PUS10: variants seen among roughly 807,000 people sequenced by gnomAD.
PUS10 encodes tRNA pseudouridine synthase Pus10.
PUS10 carries 59 observed loss-of-function variants against 75.0 expected under a neutral mutation model. The ratio of observed to expected loss-of-function variants is 0.79; its 90% CI spans 0.64 to 0.98. The LOEUF (loss-of-function observed/expected upper bound fraction) is 0.98, where lower values mean the gene tolerates loss of function less well. Among genes scored for constraint, PUS10 ranks in the 50% least tolerant of loss-of-function variants. The pLI, the probability that PUS10 is intolerant of heterozygous loss-of-function variation, is 0.00. For missense variants in PUS10, 650 were observed against 614.4 expected (o/e 1.06, Z -0.61); for synonymous variants, 219 against 211.6 (o/e 1.03, Z -0.30).
intron 11 of PUS10, among the ~76,000 whole-genome samples, chr2:60,957,796 G>C (rs568051228): frequency 6.6e-6 from 1 of 152,356 alleles, no homozygotes; most frequent in East Asian, 1.9e-4. Flanking sequence ...CAGCCCAGGG[G>C]GTGGAGTATA....
intron 5 of PUS10, 65 bp from the exon 6 acceptor site, chr2:60,967,678 T>G: frequency 9.4e-7 from 1 of 1,060,402 alleles, no homozygotes; most frequent in Non-Finnish European, 1.4e-6. Flanking sequence ...AAGGCAAGAA[T>G]TTATGCAATT....
intron 4 of PUS10, among the ~76,000 whole-genome samples, chr2:60,986,180 T>C (rs560913521): frequency 6.6e-6 from 1 of 152,276 alleles, no homozygotes; most frequent in South Asian, 2.1e-4. Flanking sequence ...CATACATTTT[T>C]AAAGACCATA....
intron 1 of PUS10, among the ~76,000 whole-genome samples, chr2:61,016,560 A>T (rs1480197574): frequency 6.6e-6 from 1 of 152,116 alleles, no homozygotes; most frequent in East Asian, 1.9e-4. Context: ...CTTTTCGTTT[A>T]TGTGTTTGTT....
At chr2:61,016,457 G>A (rs1679984436) in intron 1 of PUS10, among the ~76,000 whole-genome samples, 1 of 152,202 alleles carries the variant, frequency 6.6e-6, no homozygotes, top group African/African-American at 2.4e-5. Context: ...GAAATCGGTT[G>A]TCCATATTAG....
chr2:61,011,829 CA>C lies in PUS10; in HGVS notation c.61del (p.Cys21ValfsTer39). On this transcript the variant is annotated frameshift_variant, in exon 2 of 18. Coordinates refer to ENST00000316752, the MANE Select transcript of PUS10 (RefSeq NM_144709.4). LOFTEE classifies it high-confidence loss of function. ...ACAGAATCTGAAGATACATCTTGGA[CA>C]AGTACCAGTATTGAGCAACAACTGG... ...VAQLLLNTGT[C>X]PRCIFRFCGV... 6.2e-7 allele frequency: 1 copy of C among 1,610,738 alleles called. No individual in the cohort carries two copies. The highest frequency in any genetic ancestry group is 8.5e-7 in the Non-Finnish European group (1 of 1,178,234).
At chr2:60,949,047 C>T (rs1675172671) in intron 15 of PUS10, among the ~76,000 whole-genome samples, 3 of 152,152 alleles carry the variant, frequency 2.0e-5, no homozygotes, top group Admixed American at 2.0e-4. Context: ...AAGTTCTCCA[C>T]CAAGAAGAAA....
At position 61,011,790 on chromosome 2, in the gene PUS10, T is replaced by A. The variant is rs560194306; in HGVS notation, c.101A>T (p.His34Leu). The change falls in exon 2 of 18, where the codon CAT (histidine) becomes CTT (leucine). Residue 34 changes from histidine (H) to leucine (L), a missense_variant. Transcript: ENST00000316752. ...CIFRFCGVDF[H>L]APYKLPYKEL... ...CTTGTATGGAAGTTTGTAAGGTGCA[T>A]GAAAATCCACACCACAGAATCTGAA... 1.2e-6 allele frequency: 2 copies of A among 1,601,874 alleles called. No homozygotes were observed. Among genetic ancestry groups the A allele is most frequent in the African/African-American group, 2.7e-5 (2 of 73,794 alleles).
intron 4 of PUS10, among the ~76,000 whole-genome samples, chr2:61,002,440 A>G (rs2104654955): frequency 6.6e-6 from 1 of 152,204 alleles, no homozygotes; most frequent in East Asian, 1.9e-4. Flanking sequence ...TACTCTATCT[A>G]TCCTGTTTTG....
Position 60,962,694 on chromosome 2 carries a change from A to AG in PUS10, c.788+131_788+132insC. On this transcript the variant is annotated intron_variant, in intron 9 of 17. Coordinates refer to ENST00000316752, the MANE Select transcript of PUS10 (RefSeq NM_144709.4). ...AGGTACTGCACCATGGGTTGGAGAG[A>AG]TAACAATGACTAAGACACAATCCTG... 3 of 1,402,868 alleles carry AG rather than the reference A, an allele frequency of 2.1e-6. No homozygotes were observed. The South Asian group carries it at 4.6e-5, about 22-fold the overall frequency. 86.9% of individuals were successfully genotyped at this position (1,402,868 alleles called of 1,614,324 possible).
At position 60,960,445 on chromosome 2, in the gene PUS10, G is replaced by C. The variant is rs772733477; in HGVS notation, c.947C>G (p.Ser316Cys). 6.3e-7 allele frequency: 1 copy of C among 1,575,544 alleles called. No individual in the cohort carries two copies. Among genetic ancestry groups the C allele is most frequent in the Non-Finnish European group, 8.6e-7 (1 of 1,165,560 alleles). Residue 316 changes from serine (S) to cysteine (C), a missense_variant, in exon 11 of 18, where the codon TCT becomes TGT. Transcript: ENST00000316752. ...WIIDGERKLESSVEELISDHL... is the reference protein window; with the variant it reads ...WIIDGERKLECSVEELISDHL... ...ATCTGAAATTAATTCTTCCACTGAA[G>C]ATTCCAGCTTCCTTTCTCCATCAAT...
intron 4 of PUS10, among the ~76,000 whole-genome samples, chr2:61,003,388 G>C (rs1316823495): frequency 6.6e-6 from 1 of 151,520 alleles, no homozygotes; most frequent in Non-Finnish European, 1.5e-5. Context: ...CTTGAACTCA[G>C]GAGGCGGAGG....
At chr2:60,988,976 G>A (rs970053510) in intron 4 of PUS10, among the ~76,000 whole-genome samples, 1 of 152,004 alleles carries the variant, frequency 6.6e-6, no homozygotes, top group African/African-American at 2.4e-5. Flanking sequence ...TAAAACAGCA[G>A]TACAGAGGTT....
At chr2:61,018,256 C>T, upstream of PUS10, 6 of 1,551,062 alleles carry the variant, frequency 3.9e-6, no homozygotes, top group Middle Eastern at 1.7e-4. Flanking sequence ...CAAAGTCTCT[C>T]CTTAAAGGTG....
At chr2:61,007,747 T>G (rs561140096) in intron 3 of PUS10, among the ~76,000 whole-genome samples, 17 of 117,474 alleles carry the variant, frequency 1.4e-4, no homozygotes, top group Non-Finnish European at 2.2e-4. Context: ...CCAGCCTGGG[T>G]GACAAGAGCC....
intron 3 of PUS10, among the ~76,000 whole-genome samples, chr2:61,008,064 G>C (rs546352014): frequency 6.6e-6 from 1 of 150,534 alleles, no homozygotes; most frequent in African/African-American, 2.4e-5. Flanking sequence ...GCAACAGAGC[G>C]AGACTCTGTC....
chr2:60,967,328 G>C, intron 6 of PUS10, 174 bp downstream of exon 6: 1 of 484,304 alleles, frequency 2.1e-6, no homozygotes, highest in South Asian at 2.3e-5. Flanking sequence ...AAGAAAAAAA[G>C]AAATGCTTTG....
chr2:60,972,164 C>G (rs1676721444), intron 4 of PUS10, among the ~76,000 whole-genome samples: 1 of 143,110 alleles, frequency 7.0e-6, no homozygotes, highest in Non-Finnish European at 1.5e-5. Flanking sequence ...CCACCGCGCC[C>G]AGCCCGCATT....
intron 9 of PUS10, among the ~76,000 whole-genome samples, chr2:60,962,228 A>T (rs1676067658): frequency 6.6e-6 from 1 of 152,242 alleles, no homozygotes; most frequent in South Asian, 2.1e-4. Flanking sequence ...AGCTTAGGCA[A>T]GTCAACTCCT....
In PUS10 at chr2:60,953,917, A is replaced by T; in HGVS notation, c.1190+16T>A. The T allele has an allele frequency of 6.2e-7, 1 of 1,610,458 alleles. No homozygotes were observed. The highest frequency in any genetic ancestry group is 8.5e-7 in the Non-Finnish European group (1 of 1,176,640). On this transcript the variant is annotated intron_variant, in intron 14 of 17. Coordinates refer to ENST00000316752, the MANE Select transcript of PUS10 (RefSeq NM_144709.4). ...AACGTCCCTTTTGAAATCATCTCCA[A>T]TGAGCCTACTCTTACCTTGTGACAA...
Sources: allele counts gnomAD v4.1 joint callset (sites outside exome capture counted in the v4.1 genomes callset), GRCh38; gene constraint gnomAD v4.1.1; transcripts MANE v1.5; gene names NCBI Gene and HGNC (gene_info 2026-07-23, HGNC 2026-07-21).